CLASP2: variants seen among roughly 807,000 people sequenced by gnomAD.
CLASP2 encodes cytoplasmic linker associated protein 2.
In CLASP2, 47 loss-of-function variants were observed where a neutral mutation model predicts 194.4. The ratio of observed to expected loss-of-function variants is 0.24; its 90% CI spans 0.19 to 0.31. The LOEUF (loss-of-function observed/expected upper bound fraction) is 0.31, where lower values mean the gene tolerates loss of function less well. Ranked by LOEUF, CLASP2 falls within the 10% of genes least tolerant of loss-of-function variation. The pLI is 1.00. For missense variants in CLASP2, 1,445 were observed against 1,823.6 expected (o/e 0.79, Z 3.78); for synonymous variants, 619 against 633.5 (o/e 0.98, Z 0.34).
chr3:33,612,552 C>T (rs1377122537), intron 12 of CLASP2, among the ~76,000 whole-genome samples: 1 of 152,142 alleles, frequency 6.6e-6, no homozygotes, highest in Non-Finnish European at 1.5e-5. Flanking sequence ...TCGTATCTCT[C>T]TAGAATTCAA....
At chr3:33,611,920 A>C in intron 13 of CLASP2, 81 bp downstream of exon 13, 1 of 991,426 alleles carries the variant, frequency 1.0e-6, no homozygotes. Context: ...ATGAATGACC[A>C]ATTCTTGCAG....
At chr3:33,573,437 G>C in intron 24 of CLASP2, 83 bp from the exon 25 acceptor site, 4 of 1,404,652 alleles carry the variant, frequency 2.8e-6, no homozygotes, top group South Asian at 1.2e-5. Flanking sequence ...CAAAAGGATT[G>C]ATTTTTGTTT....
At position 33,516,007 on chromosome 3, in the gene CLASP2, C is replaced by A. The variant is rs146674185; in HGVS notation, c.4110+16G>T. Reference sequence around the variant, plus strand: ...ATAAAATAATGGAATAATACTTTACCGGCCAGGTAACTTACCTCCTTATGA... The same window carrying A: ...ATAAAATAATGGAATAATACTTTACAGGCCAGGTAACTTACCTCCTTATGA... On this transcript the variant is annotated intron_variant, in intron 36 of 38. Coordinates refer to ENST00000682230, the MANE Select transcript of CLASP2 (RefSeq NM_001365631.1). The A allele has an allele frequency of 1.6e-4, 249 of 1,596,418 alleles. No homozygotes were observed. The African/African-American group carries it at 3.1e-3, about 20-fold the overall frequency.
At chr3:33,611,891 G>T in intron 13 of CLASP2, 110 bp downstream of exon 13, 1 of 736,416 alleles carries the variant, frequency 1.4e-6, no homozygotes. Flanking sequence ...CTTTTTTATG[G>T]TTTTCTGGAA....
At chr3:33,556,439 CTTT>C (rs145188128) in intron 29 of CLASP2, among the ~76,000 whole-genome samples, 1 of 143,378 alleles carries the variant, frequency 7.0e-6, no homozygotes. Flanking sequence ...TTCTTTCTTT[CTTT>C]TTTTTTTTTT....
intron 2 of CLASP2, among the ~76,000 whole-genome samples, chr3:33,695,767 C>T (rs1377092195): frequency 6.6e-6 from 1 of 152,026 alleles, no homozygotes; most frequent in Non-Finnish European, 1.5e-5. Context: ...TAACAACACC[C>T]CATCTCTATT....
chr3:33,650,237 C>A (rs1322214521), intron 7 of CLASP2, among the ~76,000 whole-genome samples: 1 of 152,148 alleles, frequency 6.6e-6, no homozygotes, highest in Admixed American at 6.5e-5. Context: ...GCATGCATAA[C>A]AGTAGCTTAG....
chr3:33,599,043 T>C (rs1381314247), intron 18 of CLASP2, among the ~76,000 whole-genome samples: 1 of 152,162 alleles, frequency 6.6e-6, no homozygotes, highest in African/African-American at 2.4e-5. Flanking sequence ...GTAAGTAAAA[T>C]CATCTAATGA....
chr3:33,686,957 C>T, intron 5 of CLASP2, 103 bp downstream of exon 5: 2 of 618,228 alleles, frequency 3.2e-6, no homozygotes, highest in South Asian at 5.1e-5. Context: ...TTTCAGCATC[C>T]CCCTCCACCC....
At chr3:33,694,057 T>C (rs1269313137) in intron 2 of CLASP2, among the ~76,000 whole-genome samples, 3 of 151,978 alleles carry the variant, frequency 2.0e-5, no homozygotes, top group Non-Finnish European at 2.9e-5. Context: ...AGTACATTTT[T>C]AGAAGGGAAA....
intron 7 of CLASP2, chr3:33,645,512 G>T: frequency 1.9e-6 from 1 of 522,092 alleles, no homozygotes; most frequent in Non-Finnish European, 3.4e-6. Flanking sequence ...TCAGCTACAA[G>T]GTGACATCAT....
rs1243026672 is a variant in CLASP2, at chr3:33,576,195, C to T, written c.2428G>A (p.Val810Met). ...AAGGCATCTGCCACCGCCTCCTCCA[C>T]ATCAGAACCTGTGTTCAGGACTCGC... Reference protein sequence around the residue: ...AMRVLNTGSDVEEAVADALKK... With the variant: ...AMRVLNTGSDMEEAVADALKK... Residue 810 changes from valine to methionine, a missense_variant, in exon 24 of 39, where the codon GTG (valine) becomes ATG (methionine). By Grantham distance (21) the Val-to-Met change is conservative. Transcript: ENST00000682230. The T allele has an allele frequency of 5.0e-6, 8 of 1,613,838 alleles. No homozygotes were observed. The Admixed American group carries it at 6.7e-5, about 13-fold the overall frequency.
chr3:33,637,830 A>G (rs1264020837), intron 8 of CLASP2, among the ~76,000 whole-genome samples: 1 of 152,228 alleles, frequency 6.6e-6, no homozygotes, highest in African/African-American at 2.4e-5. Flanking sequence ...AACACATAAA[A>G]CCTTTGACTA....
At chr3:33,573,657 C>T (rs990957377) in intron 24 of CLASP2, among the ~76,000 whole-genome samples, 2 of 151,848 alleles carry the variant, frequency 1.3e-5, no homozygotes, top group South Asian at 2.1e-4. Context: ...CCCCTTTTCA[C>T]GAAAAACCAA....
At chr3:33,577,242 T>C (rs1489939001) in intron 23 of CLASP2, 2 of 1,598,054 alleles carry the variant, frequency 1.3e-6, no homozygotes, top group South Asian at 2.2e-5. Context: ...GGGCACCAGT[T>C]GATCTGGAAT....
chr3:33,528,793 GGAAA>G (rs965893650), intron 34 of CLASP2, among the ~76,000 whole-genome samples: 16 of 150,534 alleles, frequency 1.1e-4, no homozygotes, highest in African/African-American at 3.2e-4. Context: ...AAACAAAGAA[GGAAA>G]GAAAGAAAGG....
intron 34 of CLASP2, among the ~76,000 whole-genome samples, chr3:33,524,333 G>A (rs1225103750): frequency 6.6e-6 from 1 of 152,052 alleles, no homozygotes; most frequent in Non-Finnish European, 1.5e-5. Flanking sequence ...AGAGAGCAGG[G>A]GTGGCTATAC....
At chr3:33,706,301 C>T (rs927622724) in intron 1 of CLASP2, among the ~76,000 whole-genome samples, 4 of 152,186 alleles carry the variant, frequency 2.6e-5, no homozygotes, top group East Asian at 1.9e-4. Context: ...AAAGTTTTAA[C>T]GGTGAGAACA....
chr3:33,687,084 G>C lies in CLASP2; in HGVS notation c.522C>G (p.Ile174Met). The C allele has an allele frequency of 1.3e-6, 2 of 1,599,876 alleles. No individual in the cohort carries two copies. Among genetic ancestry groups the C allele is most frequent in the African/African-American group, 1.3e-5 (1 of 74,474 alleles). The change falls in exon 5 of 39, where the codon ATC becomes ATG. Residue 174 changes from isoleucine to methionine, a missense_variant. Coordinates refer to ENST00000682230, the MANE Select transcript of CLASP2 (RefSeq NM_001365631.1). ...CCTGACTGTTGGAGTCTCCAAACAG[G>C]ATACACAAATGTGGTATCAATTTGC... ...VISKLIPHLC[I>M]LFGDSNSQVR...
Sources: gnomAD v4.1 joint callset for allele counts (sites outside exome capture counted in the v4.1 genomes callset) on GRCh38, gnomAD v4.1.1 for gene constraint, MANE v1.5 for transcripts, NCBI Gene and HGNC (gene_info 2026-07-23, HGNC 2026-07-21) for gene names.